The following DNAH8 variants were observed in gnomAD, a reference collection of about 807,000 sequenced individuals.
DNAH8 encodes the protein dynein axonemal heavy chain 8.
Under a neutral mutation model 562.1 loss-of-function variants are expected in DNAH8, and 382 were observed. The ratio of observed to expected loss-of-function variants is 0.68; its 90% CI spans 0.63 to 0.74. DNAH8 has a LOEUF of 0.74. Among genes scored for constraint, DNAH8 ranks in the 30% least tolerant of loss-of-function variants. The probability of loss-of-function intolerance (pLI) is 0.00; values close to 1 mark genes in which losing one functional copy is unlikely to be tolerated. For synonymous variants in DNAH8, 1,881 were observed against 1,919.4 expected, an observed-to-expected ratio of 0.98 and a Z score of 0.52; for missense variants, 5,203 against 5,620.4, an observed-to-expected ratio of 0.93 and a Z score of 2.37.
rs1766545465 is a variant in DNAH8, at chr6:38,761,803, G to A, written c.1617G>A (p.Gln539=). The change falls in exon 11 of 93, where the codon CAG becomes CAA. Residue 539 remains glutamine, a splice_region_variant and synonymous_variant. Coordinates refer to ENST00000327475, the MANE Select transcript of DNAH8 (RefSeq NM_001206927.2). The part of the protein sequence containing the change: ...QETPVVLKKI[Q]DCIFLFKEYQ... ...CGCCAGTTGTACTAAAGAAAATTCA[G>A]GTTTGTAGAAGTACTTTTATTTTCA... is the stretch of plus-strand genomic sequence containing the variant. 6.6e-7 allele frequency: 1 copy of A among 1,519,576 alleles called. No individual in the cohort carries two copies. Among genetic ancestry groups the A allele is most frequent in the Middle Eastern group, 1.7e-4 (1 of 5,746 alleles). The allele number at this position is 1,519,576 out of a possible 1,614,324, so 94.1% of individuals were successfully genotyped here.
intron 4 of DNAH8, among the ~76,000 whole-genome samples, chr6:38,732,176 A>C (rs1424171221): frequency 6.6e-6 from 1 of 152,238 alleles, no homozygotes; most frequent in Non-Finnish European, 1.5e-5. Flanking sequence ...TCATTCAAAA[A>C]ATTCGTTATA....
At chr6:38,818,537 CAAA>C (rs70981590) in intron 26 of DNAH8, among the ~76,000 whole-genome samples, 3 of 75,882 alleles carry the variant, frequency 4.0e-5, no homozygotes, top group African/African-American at 1.2e-4. Flanking sequence ...AAAGCAAAAG[CAAA>C]AAAAAAAAAA....
chr6:38,811,190 A>G (rs1228967592), intron 24 of DNAH8, among the ~76,000 whole-genome samples: 1 of 152,146 alleles, frequency 6.6e-6, no homozygotes, highest in East Asian at 1.9e-4. Context: ...TATTGCTTCT[A>G]GGATATTCTT....
chr6:38,774,459 C>T (rs1767873163), intron 12 of DNAH8, among the ~76,000 whole-genome samples: 1 of 152,136 alleles, frequency 6.6e-6, no homozygotes, highest in Non-Finnish European at 1.5e-5. Context: ...GACAAACTAG[C>T]AGGAGCATGG....
chr6:39,011,974 CA>C (rs1468777051), intron 89 of DNAH8, among the ~76,000 whole-genome samples: 2 of 152,242 alleles, frequency 1.3e-5, no homozygotes, highest in Admixed American at 6.5e-5. Flanking sequence ...GGTACATTTC[CA>C]ATTATTAGCT....
chr6:38,773,558 C>T (rs1236535061), intron 12 of DNAH8, among the ~76,000 whole-genome samples: 3 of 152,170 alleles, frequency 2.0e-5, no homozygotes, highest in Non-Finnish European at 4.4e-5. Context: ...TAAGGTAGCA[C>T]CCCCTAGAGG....
Position 38,973,725 on chromosome 6 carries a change from C to T in DNAH8, c.12590C>T (p.Thr4197Met), listed in dbSNP as rs146314121. Residue 4197 changes from threonine to methionine, a missense_variant, in exon 84 of 93, where the codon ACG (threonine) becomes ATG (methionine). Thr to Met is a moderately conservative substitution (Grantham distance 81). Coordinates refer to ENST00000327475, the MANE Select transcript of DNAH8 (RefSeq NM_001206927.2). ...GAATTCATGGAAGAATTACTAGAGACGCTAATTACCACTGAAGCCAGTGAT... is the reference window on the plus strand; with the variant it reads ...GAATTCATGGAAGAATTACTAGAGATGCTAATTACCACTGAAGCCAGTGAT... ...GLEFMEELLE[T>M]LITTEASDDS... is the part of the protein sequence containing the mutation. 5.3e-5 allele frequency: 86 copies of T among 1,609,728 alleles called. No homozygotes were observed. In the East Asian group the frequency reaches 8.8e-4, roughly 16 times the overall value.
At chr6:38,837,412 C>T (rs1488470599) in intron 32 of DNAH8, among the ~76,000 whole-genome samples, 1 of 152,042 alleles carries the variant, frequency 6.6e-6, no homozygotes, top group Non-Finnish European at 1.5e-5. Flanking sequence ...TATTCAAATC[C>T]CAATTCAAAA....
At chr6:38,853,709 C>A (rs1417206376) in intron 41 of DNAH8, among the ~76,000 whole-genome samples, 1 of 151,818 alleles carries the variant, frequency 6.6e-6, no homozygotes, top group Admixed American at 6.6e-5. Context: ...TTGAAAATAT[C>A]ATTAACCAAA....
Position 38,875,785 on chromosome 6 carries a change from A to T in DNAH8, c.7815A>T (p.Lys2605Asn). Residue 2605 changes from lysine (K) to asparagine (N), a missense_variant, in exon 53 of 93, where the codon AAA (lysine) becomes AAT (asparagine). By Grantham distance (94) the Lys-to-Asn change is moderately conservative. Transcript: ENST00000327475. ...AGTTGGACTTACCAGAAATACCTAA[A>T]GGCTCAAATCAAACCATGTATGAGT... Reference protein sequence around the residue: ...ESKLDLPEIPKGSNQTMYEFY... With the variant: ...ESKLDLPEIPNGSNQTMYEFY... 6.2e-7 allele frequency: 1 copy of T among 1,613,952 alleles called. No homozygotes were observed. Among genetic ancestry groups the T allele is most frequent in the Non-Finnish European group, 8.5e-7 (1 of 1,179,902 alleles).
In DNAH8 at chr6:38,923,266, C is replaced by T. The variant is rs1781859973; in HGVS notation, c.10790+81C>T. 7 of 1,534,796 alleles carry T rather than the reference C, an allele frequency of 4.6e-6. No homozygotes were observed. In the East Asian group the frequency reaches 1.6e-4, roughly 35 times the overall value. On this transcript the variant is annotated intron_variant, in intron 72 of 92. Transcript: ENST00000327475. ...AAAGTCCATTTCCATGTGTTCATCT[C>T]TGAATCCCATCATCTATGACAGTGC...
chr6:38,804,095 A>G (rs1771033200), intron 22 of DNAH8, among the ~76,000 whole-genome samples: 1 of 152,226 alleles, frequency 6.6e-6, no homozygotes, highest in African/African-American at 2.4e-5. Flanking sequence ...TTTAAAGTGG[A>G]TGAAATAATT....
chr6:38,850,249 A>G lies in DNAH8; in HGVS notation c.5200-2A>G, dbSNP rs1026901945. On this transcript the variant is annotated splice_acceptor_variant, in intron 37 of 92. Transcript: ENST00000327475. LOFTEE classifies it high-confidence loss of function. ...CTTTACTGGCTATGGATGCATTTTC[A>G]GGAAGCAAAACGTTTTCAGAATATT... is the stretch of plus-strand genomic sequence containing the variant. The G allele has an allele frequency of 6.2e-7, 1 of 1,612,102 alleles. No homozygotes were observed. The highest frequency in any genetic ancestry group is 2.2e-5 in the East Asian group (1 of 44,802).
At chr6:38,758,528 C>G (rs943192663) in intron 10 of DNAH8, among the ~76,000 whole-genome samples, 1 of 152,066 alleles carries the variant, frequency 6.6e-6, no homozygotes, top group African/African-American at 2.4e-5. Flanking sequence ...ATTTCCTTCT[C>G]CTGCCCGATT....
chr6:38,786,215 G>C (rs1268184591), intron 17 of DNAH8, among the ~76,000 whole-genome samples: 1 of 152,220 alleles, frequency 6.6e-6, no homozygotes, highest in Non-Finnish European at 1.5e-5. Flanking sequence ...TATGTGAGAT[G>C]TAGTGTAAAA....
chr6:38,795,272 T>G (rs1326665198), intron 21 of DNAH8, among the ~76,000 whole-genome samples: 2 of 152,168 alleles, frequency 1.3e-5, no homozygotes, highest in Admixed American at 1.3e-4. Context: ...TCTCCAGTGG[T>G]AGTGCTAAGA....
At chr6:38,942,683 G>A (rs982617606) in intron 79 of DNAH8, among the ~76,000 whole-genome samples, 6 of 152,196 alleles carry the variant, frequency 3.9e-5, no homozygotes, top group African/African-American at 1.4e-4. Context: ...GCAGTGGATT[G>A]CAGTCCAGGG....
At chr6:38,826,457 C>T in intron 29 of DNAH8, 66 bp downstream of exon 29, 1 of 966,216 alleles carries the variant, frequency 1.0e-6, no homozygotes, top group South Asian at 1.6e-5. Context: ...TAGAGACACA[C>T]TAAGAAAGTG....
At chr6:39,006,365 C>G (rs897315904) in intron 88 of DNAH8, among the ~76,000 whole-genome samples, 69 of 152,130 alleles carry the variant, frequency 4.5e-4, no homozygotes, top group African/African-American at 1.6e-3. Context: ...TTATAGTTTC[C>G]TCTTTAATAC....
Sources: gnomAD v4.1 joint callset for allele counts (sites outside exome capture counted in the v4.1 genomes callset) on GRCh38, gnomAD v4.1.1 for gene constraint, MANE v1.5 for transcripts, NCBI Gene and HGNC (gene_info 2026-07-23, HGNC 2026-07-21) for gene names.